PHLPP2: variants seen among roughly 807,000 people sequenced by gnomAD.
The protein encoded by PHLPP2 is PH domain leucine-rich repeat-containing protein phosphatase 2.
In PHLPP2, 66 loss-of-function variants were observed where a neutral mutation model predicts 124.9. That is an observed-to-expected ratio of 0.53 (90% CI 0.43 to 0.65). The LOEUF (loss-of-function observed/expected upper bound fraction) is 0.65, where lower values mean the gene tolerates loss of function less well. Ranked by LOEUF, PHLPP2 falls within the 30% of genes least tolerant of loss-of-function variation. The probability of loss-of-function intolerance (pLI) is 0.00; values close to 1 mark genes in which losing one functional copy is unlikely to be tolerated. For missense variants in PHLPP2, 1,685 were observed against 1,600.4 expected, an observed-to-expected ratio of 1.05 and a Z score of -0.90; for synonymous variants, 681 against 624.7, an observed-to-expected ratio of 1.09 and a Z score of -1.34.
chr16:71,716,803 T>A (rs1165528635), intron 1 of PHLPP2, among the ~76,000 whole-genome samples: 1 of 152,240 alleles, frequency 6.6e-6, no homozygotes, highest in African/African-American at 2.4e-5. Flanking sequence ...CCTATCCTTA[T>A]TCTCCCTAGA....
chr16:71,720,767 G>A (rs942061183), intron 1 of PHLPP2, among the ~76,000 whole-genome samples: 4 of 151,998 alleles, frequency 2.6e-5, no homozygotes, highest in Non-Finnish European at 4.4e-5. Flanking sequence ...GAGAGGCTGA[G>A]GCAGGAGAAT....
intron 9 of PHLPP2, among the ~76,000 whole-genome samples, chr16:71,675,554 A>G (rs1015319567): frequency 6.6e-6 from 1 of 152,252 alleles, no homozygotes; most frequent in Non-Finnish European, 1.5e-5. Context: ...TTTGCGGACC[A>G]TATCACAGTC....
chr16:71,685,168 A>T lies in PHLPP2; in HGVS notation c.610-567T>A, dbSNP rs2045042811. 2.0e-5 allele frequency among the ~76,000 whole-genome samples: 3 copies of T among 152,202 alleles called. No homozygotes were observed. The South Asian group carries it at 6.2e-4, about 31-fold the overall frequency. ...TAGTGAAACCCTGTCTCTACTAAAA[A>T]TACAAAAAATTAGCCGGGTGTGGTC... On this transcript the variant is annotated intron_variant, in intron 4 of 18. Coordinates refer to ENST00000568954, the MANE Select transcript of PHLPP2 (RefSeq NM_015020.3).
In PHLPP2 at chr16:71,672,338, A is replaced by G; in HGVS notation, c.1472-16T>C. 1 of 1,602,978 alleles carries G rather than the reference A, an allele frequency of 6.2e-7. No homozygotes were observed. ...GCTGTCAGCCCTAATCCAAAAACAA[A>G]CAGGTGTTAGTGACATCCTCTAAAA... On this transcript the variant is annotated splice_polypyrimidine_tract_variant and intron_variant, in intron 9 of 18. Coordinates refer to ENST00000568954, the MANE Select transcript of PHLPP2 (RefSeq NM_015020.3).
At chr16:71,694,907 CCCG>C (rs1264801677) in intron 3 of PHLPP2, among the ~76,000 whole-genome samples, 2 of 152,054 alleles carry the variant, frequency 1.3e-5, no homozygotes, top group African/African-American at 4.8e-5. Flanking sequence ...GCCTCAGCCT[CCCG>C]AGTAGCTGGG....
At chr16:71,660,780 C>T (rs530510490) in intron 13 of PHLPP2, among the ~76,000 whole-genome samples, 37 of 152,102 alleles carry the variant, frequency 2.4e-4, no homozygotes, top group African/African-American at 8.4e-4. Context: ...GCTTTTTTCC[C>T]TTATCCTGCC....
chr16:71,700,883 G>A (rs1324162621), intron 3 of PHLPP2, among the ~76,000 whole-genome samples: 1 of 152,098 alleles, frequency 6.6e-6, no homozygotes, highest in Admixed American at 6.6e-5. Flanking sequence ...TACAAAGCTT[G>A]GTTATAAAAG....
chr16:71,680,669 C>G (rs940067251), intron 6 of PHLPP2, among the ~76,000 whole-genome samples: 1 of 152,176 alleles, frequency 6.6e-6, no homozygotes, highest in Non-Finnish European at 1.5e-5. Context: ...GATGATCTAT[C>G]ACCTACTTTT....
intron 3 of PHLPP2, among the ~76,000 whole-genome samples, chr16:71,702,101 T>G (rs908723778): frequency 6.6e-6 from 1 of 152,172 alleles, no homozygotes; most frequent in African/African-American, 2.4e-5. Flanking sequence ...TAGTGATAGA[T>G]GGGTCGTGTT....
chr16:71,672,322 C>A lies in PHLPP2; in HGVS notation c.1472G>T (p.Arg491Met), dbSNP rs1360312719. ...SLRTLYASSN[R>M]LTAVNVYPVP... Reference sequence around the variant, plus strand: ...TGGATAGACGTTCACTGCTGTCAGCCCTAATCCAAAAACAAACAGGTGTTA... The same window carrying A: ...TGGATAGACGTTCACTGCTGTCAGCACTAATCCAAAAACAAACAGGTGTTA... Residue 491 changes from arginine to methionine, a missense_variant and splice_region_variant, in exon 10 of 19, where the codon AGG (arginine) becomes ATG (methionine). Physicochemically the swap from Arg to Met is moderately conservative, Grantham distance 91. Transcript: ENST00000568954. The A allele has an allele frequency of 1.9e-6, 3 of 1,612,222 alleles. No homozygotes were observed. Among genetic ancestry groups the A allele is most frequent in the South Asian group, 2.2e-5 (2 of 91,004 alleles).
Position 71,652,889 on chromosome 16 carries a change from G to A in PHLPP2, c.2718C>T (p.Cys906=). 6.2e-7 allele frequency: 1 copy of A among 1,614,110 alleles called. No homozygotes were observed. ...ANVGTCQAVL[C]RGGKPVPLSK... ...AGAGGGGCACTGGCTTCCCACCTCG[G>A]CACAGGACTGCTTGGCACGTGCCAA... The change falls in exon 18 of 19, where the codon TGC becomes TGT. Residue 906 remains cysteine, a synonymous_variant. Transcript: ENST00000568954.
intron 3 of PHLPP2, chr16:71,698,502 C>A: frequency 1.3e-6 from 1 of 745,520 alleles, no homozygotes. Context: ...AGGCACCTCG[C>A]ATACCTGTTT....
intron 5 of PHLPP2, among the ~76,000 whole-genome samples, chr16:71,683,335 G>C (rs919290491): frequency 1.3e-5 from 2 of 152,174 alleles, no homozygotes; most frequent in Admixed American, 1.3e-4. Flanking sequence ...AAATTATGTT[G>C]AAAGACTAAT....
At position 71,658,583 on chromosome 16, in the gene PHLPP2, A is replaced by G. The variant is rs1008676385; in HGVS notation, c.2148+70T>C. 8 of 1,474,466 alleles carry G rather than the reference A, an allele frequency of 5.4e-6. No individual in the cohort carries two copies. The African/African-American group carries it at 1.1e-4, about 21-fold the overall frequency. 91.3% of individuals were successfully genotyped at this position (1,474,466 alleles called of 1,614,324 possible). Reference sequence around the variant, plus strand: ...ACACTCCTTTCTTCTTCTTTATAAAAGGAAAATAATGTCATTCACTCTCCT... The same window carrying G: ...ACACTCCTTTCTTCTTCTTTATAAAGGGAAAATAATGTCATTCACTCTCCT... On this transcript the variant is annotated intron_variant, in intron 14 of 18. Transcript: ENST00000568954.
Position 71,652,909 on chromosome 16 carries a change from T to C in PHLPP2, c.2698A>G (p.Thr900Ala), listed in dbSNP as rs748624331. 6.2e-7 allele frequency: 1 copy of C among 1,614,086 alleles called. No individual in the cohort carries two copies. The highest frequency in any genetic ancestry group is 1.1e-5 in the South Asian group (1 of 91,080). Reference protein sequence around the residue: ...SFSLTVANVGTCQAVLCRGGK... With the variant: ...SFSLTVANVGACQAVLCRGGK... ...CCTCGGCACAGGACTGCTTGGCACG[T>C]GCCAACATTGGCTACAGTCAAGCTA... Residue 900 changes from threonine (T) to alanine (A), a missense_variant, in exon 18 of 19, where the codon ACG becomes GCG. Physicochemically the swap from Thr to Ala is moderately conservative, Grantham distance 58 (BLOSUM62 0). Coordinates refer to ENST00000568954, the MANE Select transcript of PHLPP2 (RefSeq NM_015020.3).
intron 4 of PHLPP2, among the ~76,000 whole-genome samples, chr16:71,688,066 C>G (rs2145350168): frequency 6.6e-6 from 1 of 152,332 alleles, no homozygotes; most frequent in Non-Finnish European, 1.5e-5. Context: ...TTTGCCAACT[C>G]ATAGTCATCG....
intron 13 of PHLPP2, among the ~76,000 whole-genome samples, chr16:71,661,197 G>A (rs898650775): frequency 1.3e-5 from 2 of 151,608 alleles, no homozygotes; most frequent in African/African-American, 4.9e-5. Flanking sequence ...CTCCTGAGTA[G>A]CTGGGATTAC....
At chr16:71,723,778 C>A in intron 1 of PHLPP2, 1 of 1,335,584 alleles carries the variant, frequency 7.5e-7, no homozygotes, top group African/African-American at 1.5e-5. Flanking sequence ...CCTTCAGGAC[C>A]CGGATCCCTC....
At chr16:71,690,486 AAATGAAAAAT>A (rs761334731) in intron 4 of PHLPP2, 23 bp downstream of exon 4, 2 of 1,398,544 alleles carry the variant, frequency 1.4e-6, no homozygotes, top group East Asian at 4.6e-5. Context: ...TAAGATGATC[AAATGAAAAAT>A]AATTCATCTT....
Sources: allele counts gnomAD v4.1 joint callset (sites outside exome capture counted in the v4.1 genomes callset), GRCh38; gene constraint gnomAD v4.1.1; transcripts MANE v1.5; gene names NCBI Gene and HGNC (gene_info 2026-07-23, HGNC 2026-07-21).